Variants in ITPR2 observed in about 807,000 individuals in gnomAD.
The protein encoded by ITPR2 is inositol 1,4,5-trisphosphate receptor type 2, also known as inositol 1,4,5-trisphosphate-gated calcium channel ITPR2.
Under a neutral mutation model 317.1 loss-of-function variants are expected in ITPR2, and 207 were observed. That is an observed-to-expected ratio of 0.65 (90% CI 0.58 to 0.73). The LOEUF is 0.73. ITPR2 is among the 30% of genes least tolerant of loss of function. The pLI, the probability that ITPR2 is intolerant of heterozygous loss-of-function variation, is 0.00. For synonymous variants in ITPR2, 1,156 were observed against 1,149.1 expected, an observed-to-expected ratio of 1.01 and a Z score of -0.12; for missense variants, 2,613 against 3,284.0, an observed-to-expected ratio of 0.80 and a Z score of 4.99.
chr12:26,715,810 C>T lies in ITPR2; in HGVS notation c.650G>A (p.Ser217Asn). 3 of 1,610,808 alleles carry T rather than the reference C, an allele frequency of 1.9e-6. No homozygotes were observed. Among genetic ancestry groups the T allele is most frequent in the Non-Finnish European group, 2.5e-6 (3 of 1,177,472 alleles). Residue 217 changes from serine (S) to asparagine (N), a missense_variant, in exon 7 of 57, where the codon AGC becomes AAC. By Grantham distance (46) the Ser-to-Asn change is conservative (BLOSUM62 1). Around this residue, in one of 9 missense-constraint regions of ITPR2, gnomAD observed 515 missense variants for 789.4 expected, o/e 0.65. Coordinates refer to ENST00000381340, the MANE Select transcript of ITPR2 (RefSeq NM_002223.4). ...KEVNAVNCNT[S>N]WKITLFMKYS... ...TTTCATGAATAAAGTGATTTTCCAG[C>T]TGGTGTTGCAATTGACAGCATTCAC... is the stretch of plus-strand genomic sequence containing the variant.
At chr12:26,477,794 A>G (rs945637083) in intron 43 of ITPR2, among the ~76,000 whole-genome samples, 2 of 152,190 alleles carry the variant, frequency 1.3e-5, no homozygotes, top group African/African-American at 4.8e-5. Context: ...TAGCCAAGAA[A>G]GCACAATATC....
intron 51 of ITPR2, among the ~76,000 whole-genome samples, chr12:26,414,710 G>A (rs562701888): frequency 6.6e-4 from 100 of 152,186 alleles, no homozygotes; most frequent in African/African-American, 2.3e-3. Flanking sequence ...ATAAATGGAC[G>A]GTGCCTAACC....
chr12:26,428,017 A>C lies in ITPR2; in HGVS notation c.6841T>G (p.Phe2281Val). The C allele has an allele frequency of 1.9e-6, 3 of 1,613,334 alleles. No homozygotes were observed. Among genetic ancestry groups the C allele is most frequent in the Non-Finnish European group, 2.5e-6 (3 of 1,179,552 alleles). Residue 2281 changes from phenylalanine (F) to valine (V), a missense_variant, in exon 49 of 57, where the codon TTC (phenylalanine) becomes GTC (valine). Phe to Val is a conservative substitution (Grantham distance 50). Coordinates refer to ENST00000381340, the MANE Select transcript of ITPR2 (RefSeq NM_002223.4). ...GGCCGAATACCCACAGGCTTGGAGA[A>C]GAAAAACAGCATAGATGTGCAGATC... is the stretch of plus-strand genomic sequence containing the variant. Reference protein sequence around the residue: ...VAICTSMLFFFSKPVGIRPFL... With the variant: ...VAICTSMLFFVSKPVGIRPFL...
chr12:26,674,417 A>C (rs1947859938), intron 13 of ITPR2, among the ~76,000 whole-genome samples: 1 of 152,210 alleles, frequency 6.6e-6, no homozygotes, highest in Non-Finnish European at 1.5e-5. Context: ...CTGATCTTTG[A>C]CAAACCTGAG....
intron 45 of ITPR2, among the ~76,000 whole-genome samples, chr12:26,467,371 CTCTT>C (rs149652453): frequency 0.038 from 5,844 of 152,198 alleles, 127 homozygotes; most frequent in Middle Eastern, 0.11. Context: ...CTCTCTCTCT[CTCTT>C]TCTCTTTCTC....
At chr12:26,342,714 A>T (rs1006974118) in intron 55 of ITPR2, among the ~76,000 whole-genome samples, 1 of 152,100 alleles carries the variant, frequency 6.6e-6, no homozygotes, top group African/African-American at 2.4e-5. Flanking sequence ...GATTCAAGTG[A>T]TTCTCCCGCC....
chr12:26,427,542 T>C (rs757597143), intron 49 of ITPR2, among the ~76,000 whole-genome samples: 6 of 152,302 alleles, frequency 3.9e-5, no homozygotes, highest in Non-Finnish European at 5.9e-5. Context: ...AAAATTCTAT[T>C]GAACATAATT....
At chr12:26,701,066 C>A (rs1167674715) in intron 9 of ITPR2, among the ~76,000 whole-genome samples, 1 of 152,130 alleles carries the variant, frequency 6.6e-6, no homozygotes, top group Non-Finnish European at 1.5e-5. Context: ...AATACAGAGA[C>A]CCATTACTAA....
chr12:26,685,578 C>T (rs1158438104), intron 11 of ITPR2, among the ~76,000 whole-genome samples: 1 of 152,240 alleles, frequency 6.6e-6, no homozygotes, highest in East Asian at 1.9e-4. Context: ...CCCTGGACAA[C>T]AGAGTGAGAT....
chr12:26,457,190 G>A (rs1356160486), intron 45 of ITPR2, among the ~76,000 whole-genome samples: 1 of 152,170 alleles, frequency 6.6e-6, no homozygotes, highest in Non-Finnish European at 1.5e-5. Context: ...AGCACTGGGG[G>A]ATGGAGGTTG....
At chr12:26,410,630 G>T in intron 52 of ITPR2, among the ~76,000 whole-genome samples, 1 of 152,012 alleles carries the variant, frequency 6.6e-6, no homozygotes, top group East Asian at 1.9e-4. Context: ...TTTTGTATAT[G>T]ACAACCCTTA....
intron 22 of ITPR2, chr12:26,630,524 G>A (rs2136830917): frequency 6.6e-6 from 1 of 152,210 alleles, no homozygotes; most frequent in South Asian, 2.1e-4. Flanking sequence ...TAGCACCAAG[G>A]AGTAGGGCTA....
intron 9 of ITPR2, among the ~76,000 whole-genome samples, chr12:26,696,145 A>C (rs1948344960): frequency 1.3e-5 from 2 of 152,142 alleles, no homozygotes; most frequent in Non-Finnish European, 2.9e-5. Context: ...GAAACAAACA[A>C]ACACATGTCT....
At chr12:26,343,359 G>A (rs1938198599) in intron 55 of ITPR2, among the ~76,000 whole-genome samples, 1 of 152,198 alleles carries the variant, frequency 6.6e-6, no homozygotes, top group Non-Finnish European at 1.5e-5. Flanking sequence ...TTTGGGGTGA[G>A]AGTGCCTTAA....
chr12:26,681,822 A>G, intron 13 of ITPR2, 52 bp downstream of exon 13: 5 of 1,326,102 alleles, frequency 3.8e-6, no homozygotes, highest in South Asian at 2.4e-5. Flanking sequence ...CAGGCTTACT[A>G]TAACAATTGA....
chr12:26,599,539 T>C (rs1945940890), intron 29 of ITPR2, among the ~76,000 whole-genome samples, 194 bp from the exon 30 acceptor site: 1 of 152,172 alleles, frequency 6.6e-6, no homozygotes, highest in South Asian at 2.1e-4. Flanking sequence ...CAGAGGAATT[T>C]AGTTGGAGAA....
intron 2 of ITPR2, among the ~76,000 whole-genome samples, chr12:26,730,647 TTCAG>T: frequency 6.6e-6 from 1 of 152,346 alleles, no homozygotes; most frequent in East Asian, 1.9e-4. Context: ...CAGACATATG[TTCAG>T]TCAGACAATA....
At chr12:26,626,743 T>C (rs997730501) in intron 23 of ITPR2, among the ~76,000 whole-genome samples, 18 of 152,370 alleles carry the variant, frequency 1.2e-4, no homozygotes, top group African/African-American at 4.1e-4. Flanking sequence ...CTAGTATCCA[T>C]TTTAACTACA....
At chr12:26,817,299 T>A (rs1229590643) in intron 1 of ITPR2, among the ~76,000 whole-genome samples, 3 of 151,078 alleles carry the variant, frequency 2.0e-5, no homozygotes, top group Non-Finnish European at 2.9e-5. Flanking sequence ...TAATGCTGGG[T>A]GTAATGACAT....
Sources: gnomAD v4.1 joint callset for allele counts (sites outside exome capture counted in the v4.1 genomes callset) on GRCh38, gnomAD v4.1.1 for gene constraint, gnomAD v4.1.1 regional missense constraint, MANE v1.5 for transcripts, NCBI Gene and HGNC (gene_info 2026-07-23, HGNC 2026-07-21) for gene names.